CACNA2D3: variants seen among roughly 807,000 people sequenced by gnomAD.
CACNA2D3 encodes calcium voltage-gated channel auxiliary subunit alpha2delta 3.
CACNA2D3 carries 60 observed loss-of-function variants against 160.6 expected under a neutral mutation model. The ratio of observed to expected loss-of-function variants is 0.37; its 90% confidence interval spans 0.30 to 0.46. The LOEUF is 0.46. Ranked by LOEUF, CACNA2D3 falls within the 20% of genes least tolerant of loss-of-function variation. The pLI, the probability that CACNA2D3 is intolerant of heterozygous loss-of-function variation, is 1.00. For missense variants in CACNA2D3, 1,205 were observed against 1,365.0 expected (o/e 0.88, Z 1.85); for synonymous variants, 558 against 492.9 (o/e 1.13, Z -1.75).
intron 2 of CACNA2D3, among the ~76,000 whole-genome samples, chr3:54,253,155 T>C (rs1356196032): frequency 7.9e-5 from 12 of 151,634 alleles, no homozygotes. Flanking sequence ...AATACTATAA[T>C]GACACTGTAT....
intron 4 of CACNA2D3, among the ~76,000 whole-genome samples, chr3:54,503,227 T>A (rs1456379483): frequency 6.6e-6 from 1 of 152,228 alleles, no homozygotes; most frequent in Non-Finnish European, 1.5e-5. Context: ...AGGGCAGTTT[T>A]CTCTATATGC....
rs1164447367 is a variant in CACNA2D3 at position 54,299,268 on chromosome 3, G to A, written c.205-21174G>A. On this transcript the variant is annotated intron_variant, in intron 2 of 37. Coordinates refer to ENST00000474759, the MANE Select transcript of CACNA2D3 (RefSeq NM_018398.3). ...ACTGAAACATAGCAGAGGCAGGGAGGAGGGTACAGGGCCCCACACCACACT... is the reference window on the plus strand; with the variant it reads ...ACTGAAACATAGCAGAGGCAGGGAGAAGGGTACAGGGCCCCACACCACACT... Among the ~76,000 whole-genome samples, 4 of 151,782 alleles carry A rather than the reference G, an allele frequency of 2.6e-5. No homozygotes were observed. The East Asian group carries it at 7.7e-4, about 29-fold the overall frequency.
chr3:54,144,104 T>G (rs1255176389), intron 2 of CACNA2D3, among the ~76,000 whole-genome samples: 1 of 152,246 alleles, frequency 6.6e-6, no homozygotes. Flanking sequence ...TTTGCAGCAT[T>G]TCTTTCAGGC....
At chr3:54,513,648 C>T (rs572235518) in intron 5 of CACNA2D3, among the ~76,000 whole-genome samples, 40 of 152,128 alleles carry the variant, frequency 2.6e-4, no homozygotes, top group African/African-American at 9.4e-4. Context: ...GCTGAGTTTT[C>T]AGCTAGCTAT....
chr3:54,263,702 C>T (rs1032109177), intron 2 of CACNA2D3, among the ~76,000 whole-genome samples: 4 of 152,188 alleles, frequency 2.6e-5, no homozygotes, highest in Non-Finnish European at 5.9e-5. Context: ...ACATGTTGTG[C>T]ACCTTTGGTG....
chr3:54,713,276 T>C (rs1362652019), intron 11 of CACNA2D3, among the ~76,000 whole-genome samples: 1 of 152,212 alleles, frequency 6.6e-6, no homozygotes, highest in Non-Finnish European at 1.5e-5. Context: ...TCCTTCTTGC[T>C]TTCTAAAGCC....
At chr3:55,009,057 T>C (rs1703157925) in intron 33 of CACNA2D3, among the ~76,000 whole-genome samples, 1 of 152,208 alleles carries the variant, frequency 6.6e-6, no homozygotes. Context: ...TATTAGAAAT[T>C]GGCTTTTTAC....
chr3:54,335,830 C>T (rs375065866), intron 3 of CACNA2D3, among the ~76,000 whole-genome samples: 1 of 151,768 alleles, frequency 6.6e-6, no homozygotes, highest in Middle Eastern at 3.4e-3. Context: ...ATGGTGAAAC[C>T]TGTCTCTACT....
At chr3:54,182,388 C>A (rs1052252804) in intron 2 of CACNA2D3, among the ~76,000 whole-genome samples, 1 of 152,056 alleles carries the variant, frequency 6.6e-6, no homozygotes, top group Admixed American at 6.6e-5. Flanking sequence ...GAAGAGGTAA[C>A]AAATGGCTTT....
chr3:54,512,310 C>G (rs551418931), intron 5 of CACNA2D3, among the ~76,000 whole-genome samples: 1 of 152,298 alleles, frequency 6.6e-6, no homozygotes, highest in African/African-American at 2.4e-5. Context: ...CTTATCTGTG[C>G]AAAGACAATG....
chr3:55,057,200 C>T (rs1262485164), intron 35 of CACNA2D3, among the ~76,000 whole-genome samples: 1 of 152,178 alleles, frequency 6.6e-6, no homozygotes, highest in Admixed American at 6.5e-5. Context: ...GAGGCCTCCC[C>T]AGCCACGTGG....
chr3:54,191,476 A>G (rs1269164788), intron 2 of CACNA2D3, among the ~76,000 whole-genome samples: 1 of 152,162 alleles, frequency 6.6e-6, no homozygotes. Context: ...CATGCTGAGC[A>G]GTCCAAACCC....
intron 11 of CACNA2D3, among the ~76,000 whole-genome samples, chr3:54,721,819 C>T (rs1382445181): frequency 6.6e-6 from 1 of 151,232 alleles, no homozygotes; most frequent in Non-Finnish European, 1.5e-5. Context: ...GGTAATTCGA[C>T]CTTTCTCTCT....
chr3:54,932,691 A>G (rs1028855227), intron 27 of CACNA2D3, among the ~76,000 whole-genome samples: 49 of 152,196 alleles, frequency 3.2e-4, no homozygotes, highest in African/African-American at 1.2e-3. Flanking sequence ...ATGAGCCCTT[A>G]TAACAAATAT....
At chr3:54,497,999 G>A (rs1230275808) in intron 4 of CACNA2D3, among the ~76,000 whole-genome samples, 1 of 148,450 alleles carries the variant, frequency 6.7e-6, no homozygotes, top group African/African-American at 2.5e-5. Flanking sequence ...TTAAAATTTT[G>A]TTAAGATTTT....
chr3:54,131,186 G>T lies in CACNA2D3; in HGVS notation c.204+7592G>T, dbSNP rs116660873. 9.9e-3 allele frequency among the ~76,000 whole-genome samples: 1,513 copies of T among 152,344 alleles called. 23 individuals carry two copies. The highest frequency in any genetic ancestry group is 0.035 in the African/African-American group (1,460 of 41,586). On this transcript the variant is annotated intron_variant, in intron 2 of 37. Coordinates refer to ENST00000474759, the MANE Select transcript of CACNA2D3 (RefSeq NM_018398.3). ...ACATGTGTACTTGGTGAATGAGCAAGTGCATGAATGGGTGAGTGCCAGGCA... is the reference window on the plus strand; with the variant it reads ...ACATGTGTACTTGGTGAATGAGCAATTGCATGAATGGGTGAGTGCCAGGCA...
intron 35 of CACNA2D3, among the ~76,000 whole-genome samples, chr3:55,057,577 G>C (rs1704395452): frequency 6.6e-6 from 1 of 152,094 alleles, no homozygotes; most frequent in African/African-American, 2.4e-5. Flanking sequence ...AAATATTTTA[G>C]TATTATATTG....
chr3:54,413,449 C>G (rs970623472), intron 4 of CACNA2D3, among the ~76,000 whole-genome samples: 1 of 147,028 alleles, frequency 6.8e-6, no homozygotes, highest in African/African-American at 2.5e-5. Flanking sequence ...TCTGCTTGCT[C>G]TGCTTGGAGT....
At chr3:54,907,145 T>A (rs557548130) in intron 27 of CACNA2D3, among the ~76,000 whole-genome samples, 1 of 152,282 alleles carries the variant, frequency 6.6e-6, no homozygotes, top group African/African-American at 2.4e-5. Context: ...CTTACCTGCT[T>A]GTGTGTTCTA....
Sources: gnomAD v4.1 joint callset for allele counts (sites outside exome capture counted in the v4.1 genomes callset) on GRCh38, gnomAD v4.1.1 for gene constraint, MANE v1.5 for transcripts, NCBI Gene and HGNC (gene_info 2026-07-23, HGNC 2026-07-21) for gene names.